The following CDYL variants were observed in gnomAD, a reference collection of about 807,000 sequenced individuals.
The protein encoded by CDYL is chromodomain Y-like protein.
A neutral mutation model predicts 47.3 loss-of-function variants in CDYL; 8 were observed. The observed-to-expected ratio is 0.17, with a 90% confidence interval of 0.10 to 0.31. The LOEUF (loss-of-function observed/expected upper bound fraction) is 0.31. CDYL is among the 10% of genes least tolerant of loss of function. The probability of loss-of-function intolerance (pLI) is 1.00; values close to 1 mark genes in which losing one functional copy is unlikely to be tolerated. For missense variants in CDYL, 471 were observed against 701.4 expected, an observed-to-expected ratio of 0.67 and a Z score of 3.71; for synonymous variants, 266 against 265.0, an observed-to-expected ratio of 1.00 and a Z score of -0.04.
chr6:4,832,054 G>T (rs1278600819), intron 1 of CDYL, among the ~76,000 whole-genome samples: 1 of 151,764 alleles, frequency 6.6e-6, no homozygotes, highest in Non-Finnish European at 1.5e-5. Context: ...TTTCCTAATT[G>T]AATACCCTTT....
chr6:4,836,405 C>A, intron 1 of CDYL: 1 of 309,332 alleles, frequency 3.2e-6, no homozygotes. Context: ...TTTCTGTTTG[C>A]TTCAGTTTAC....
intron 2 of CDYL, among the ~76,000 whole-genome samples, chr6:4,901,286 G>A (rs762319316): frequency 4.6e-5 from 7 of 152,014 alleles, no homozygotes; most frequent in South Asian, 2.1e-4. Context: ...TGCTCTTGTC[G>A]CTGCATGTGC....
At chr6:4,747,185 T>A (rs923151323) in intron 3 of CDYL, among the ~76,000 whole-genome samples, 1 of 151,634 alleles carries the variant, frequency 6.6e-6, no homozygotes, top group African/African-American at 2.4e-5. Flanking sequence ...CGGGCACCTG[T>A]AATCCCAGCT....
chr6:4,722,867 G>C (rs1207482259), intron 2 of CDYL, among the ~76,000 whole-genome samples: 3 of 152,152 alleles, frequency 2.0e-5, no homozygotes, highest in African/African-American at 7.2e-5. Flanking sequence ...ATAAGAGTGA[G>C]ACATTGTCTC....
chr6:4,710,379 G>GGAA lies in CDYL; in HGVS notation c.-39+4129_-39+4130insAAG, dbSNP rs1757128696. ...AGGGAGGGAAGGAGGGAGGGAGGGA[G>GGAA]GGAAGGAAGGAAGGAAGGAAGGAAA... is the stretch of plus-strand genomic sequence containing the variant. On this transcript the variant is annotated intron_variant, in intron 1 of 8. Transcript: ENST00000328908. Among the ~76,000 whole-genome samples the GGAA allele has an allele frequency of 7.2e-3, 730 of 101,280 alleles. 9 individuals are homozygous for GGAA. Among genetic ancestry groups the GGAA allele is most frequent in the Non-Finnish European group, 0.01 (490 of 47,950 alleles). The allele number at this position is 101,280 out of a possible 152,430, so 66.4% of individuals were successfully genotyped here.
intron 2 of CDYL, among the ~76,000 whole-genome samples, chr6:4,722,133 A>T (rs1204323111): frequency 6.6e-6 from 1 of 152,180 alleles, no homozygotes; most frequent in Non-Finnish European, 1.5e-5. Flanking sequence ...GATTACAGGC[A>T]TGAGCCACTG....
intron 3 of CDYL, among the ~76,000 whole-genome samples, chr6:4,768,224 A>G (rs758847959): frequency 5.3e-5 from 8 of 152,222 alleles, no homozygotes; most frequent in Non-Finnish European, 1.2e-4. Context: ...TAGTTCAGGG[A>G]CAACCTAATC....
At chr6:4,746,880 C>T (rs755437164) in intron 3 of CDYL, among the ~76,000 whole-genome samples, 9 of 152,158 alleles carry the variant, frequency 5.9e-5, no homozygotes, top group East Asian at 3.9e-4. Flanking sequence ...CTCGCTGTGC[C>T]GGCCCCTCAC....
At chr6:4,834,542 A>C (rs1373144077) in intron 1 of CDYL, among the ~76,000 whole-genome samples, 1 of 148,526 alleles carries the variant, frequency 6.7e-6, no homozygotes, top group Admixed American at 6.8e-5. Flanking sequence ...GAATCTGACA[A>C]TTATGTGTCT....
chr6:4,783,125 T>G (rs1581163895), intron 1 of CDYL, among the ~76,000 whole-genome samples: 2 of 145,386 alleles, frequency 1.4e-5, no homozygotes, highest in Admixed American at 6.8e-5. Flanking sequence ...ACCTCTGACT[T>G]CATAGTTTCT....
At chr6:4,791,205 G>C (rs1758907730) in intron 1 of CDYL, among the ~76,000 whole-genome samples, 1 of 152,224 alleles carries the variant, frequency 6.6e-6, no homozygotes, top group Non-Finnish European at 1.5e-5. Context: ...CAATACCACT[G>C]TTCACTGTAT....
At chr6:4,759,742 G>A (rs575757983) in intron 3 of CDYL, among the ~76,000 whole-genome samples, 1 of 151,062 alleles carries the variant, frequency 6.6e-6, no homozygotes, top group Admixed American at 6.6e-5. Context: ...AGCCGGGCGT[G>A]GGGGTGTGTG....
At chr6:4,758,113 G>A (rs1758103902) in intron 3 of CDYL, among the ~76,000 whole-genome samples, 2 of 151,986 alleles carry the variant, frequency 1.3e-5, no homozygotes, top group Admixed American at 1.3e-4. Flanking sequence ...GCTGAGGCAG[G>A]TGGATCATTT....
intron 2 of CDYL, among the ~76,000 whole-genome samples, chr6:4,922,930 GAGCTTTTTTC>G: frequency 6.6e-6 from 1 of 152,030 alleles, no homozygotes; most frequent in Non-Finnish European, 1.5e-5. Flanking sequence ...GTGGCCCAGG[GAGCTTTTTTC>G]CCCCCTTTTA....
chr6:4,790,850 A>C (rs1478000164), intron 1 of CDYL, among the ~76,000 whole-genome samples: 3 of 152,258 alleles, frequency 2.0e-5, no homozygotes, highest in Admixed American at 1.3e-4. Context: ...ATTTCAAGTT[A>C]AGCAAGTATC....
In CDYL at chr6:4,781,449, T is replaced by C. The variant is rs141687192; in HGVS notation, c.24+4642T>C. ...CACCAAAATTAGTAAAGAAAAAGAG[T>C]TCATTTGACTTCAGGAGTTGATAGT... is the stretch of plus-strand genomic sequence containing the variant. On this transcript the variant is annotated intron_variant, in intron 1 of 6. Transcript: ENST00000397588. Among the ~76,000 whole-genome samples the C allele has an allele frequency of 1.5e-3, 228 of 152,218 alleles. 1 individual carries two copies. Among genetic ancestry groups the C allele is most frequent in the Middle Eastern group, 6.8e-3 (2 of 294 alleles).
At chr6:4,775,897 T>C (rs1331537495), upstream of CDYL, among the ~76,000 whole-genome samples, 1 of 150,000 alleles carries the variant, frequency 6.7e-6, no homozygotes, top group Non-Finnish European at 1.5e-5. This position sits in a 1 kb window ranked among gnomAD's most constrained non-coding sequence, Gnocchi z 7.0. Context: ...AGGCGCGCGG[T>C]AGACGGCGCG....
chr6:4,734,655 G>A, intron 2 of CDYL: 1 of 1,468,990 alleles, frequency 6.8e-7, no homozygotes, highest in Non-Finnish European at 9.2e-7. Context: ...TTCAGGAAGG[G>A]GAGGGCACAG....
chr6:4,928,027 C>A (rs999993276), intron 2 of CDYL, among the ~76,000 whole-genome samples: 2 of 152,208 alleles, frequency 1.3e-5, no homozygotes, highest in African/African-American at 4.8e-5. Flanking sequence ...TCTAGCTCAT[C>A]ATTTTCCCCT....
Sources: allele counts gnomAD v4.1 joint callset (sites outside exome capture counted in the v4.1 genomes callset), GRCh38; gene constraint gnomAD v4.1.1; non-coding constraint Gnocchi (gnomAD v3.1); transcripts MANE v1.5; gene names NCBI Gene and HGNC (gene_info 2026-07-23, HGNC 2026-07-21).